DCLK2: variants seen among roughly 807,000 people sequenced by gnomAD.
DCLK2 encodes doublecortin like kinase 2, also known as serine/threonine-protein kinase DCLK2.
Under a neutral mutation model 78.4 loss-of-function variants are expected in DCLK2, and 31 were observed. The ratio of observed to expected loss-of-function variants is 0.40; its 90% confidence interval spans 0.30 to 0.53. DCLK2 has a LOEUF of 0.53. Ranked by LOEUF, DCLK2 falls within the 20% of genes least tolerant of loss-of-function variation. The probability of loss-of-function intolerance (pLI) is 0.61; values close to 1 mark genes in which losing one functional copy is unlikely to be tolerated. For missense variants in DCLK2, 872 were observed against 973.7 expected (o/e 0.90, Z 1.39); for synonymous variants, 407 against 374.9 (o/e 1.09, Z -0.99).
chr4:150,255,934 C>T, intron 15 of DCLK2, 86 bp from the exon 16 acceptor site: 1 of 1,524,270 alleles, frequency 6.6e-7, no homozygotes, highest in East Asian at 2.4e-5. Flanking sequence ...GAGGCCCGTG[C>T]ATGCTCTGTT....
chr4:150,107,614 G>A (rs979476844), intron 2 of DCLK2, among the ~76,000 whole-genome samples: 5 of 151,956 alleles, frequency 3.3e-5, no homozygotes. Context: ...GGGCTCAAGC[G>A]ATCCACTTAC....
At chr4:150,246,149 A>G (rs1479012461) in intron 12 of DCLK2, among the ~76,000 whole-genome samples, 1 of 150,914 alleles carries the variant, frequency 6.6e-6, no homozygotes, top group African/African-American at 2.4e-5. Context: ...GGTTCAAGGG[A>G]TTCTCCTGCC....
At chr4:150,192,509 G>C (rs1560853472) in intron 2 of DCLK2, among the ~76,000 whole-genome samples, 3 of 147,588 alleles carry the variant, frequency 2.0e-5, no homozygotes, top group Admixed American at 6.7e-5. Context: ...GTGAAATTGA[G>C]ACCACATATT....
chr4:150,163,262 G>A (rs1035101773), intron 2 of DCLK2, among the ~76,000 whole-genome samples: 1 of 152,082 alleles, frequency 6.6e-6, no homozygotes, highest in Admixed American at 6.6e-5. Flanking sequence ...ACTGGGCGTG[G>A]TGGCAGGCAC....
intron 10 of DCLK2, among the ~76,000 whole-genome samples, chr4:150,239,426 C>T (rs1742740289): frequency 6.6e-6 from 1 of 151,872 alleles, no homozygotes; most frequent in South Asian, 2.1e-4. Flanking sequence ...AAGGAGACCC[C>T]GTCTCTACAA....
intron 1 of DCLK2, among the ~76,000 whole-genome samples, chr4:150,098,344 A>G (rs562198810): frequency 2.6e-5 from 4 of 152,170 alleles, no homozygotes; most frequent in Non-Finnish European, 5.9e-5. Flanking sequence ...TTCGTATGAT[A>G]TAGTCTGTGA....
At chr4:150,087,890 A>G (rs889636800) in intron 1 of DCLK2, among the ~76,000 whole-genome samples, 24 of 152,186 alleles carry the variant, frequency 1.6e-4, no homozygotes, top group African/African-American at 5.8e-4. Flanking sequence ...CTTTGGGGGA[A>G]AAGAGTTTGG....
chr4:150,087,121 C>G lies in DCLK2; in HGVS notation c.421+7673C>G, dbSNP rs150823116. On this transcript the variant is annotated intron_variant, in intron 1 of 15. Coordinates refer to ENST00000296550, the MANE Select transcript of DCLK2 (RefSeq NM_001040260.4). ...TATTTTGTCCTATTTGCCGTGTTTTCAACAGCCTAAAGGAGAAGTCATTAT... is the reference window on the plus strand; with the variant it reads ...TATTTTGTCCTATTTGCCGTGTTTTGAACAGCCTAAAGGAGAAGTCATTAT... Among the ~76,000 whole-genome samples, 452 of 152,148 alleles carry G rather than the reference C, an allele frequency of 3.0e-3. 4 individuals carry two copies. Among genetic ancestry groups the G allele is most frequent in the African/African-American group, 0.01 (432 of 41,542 alleles).
At chr4:150,124,750 C>G (rs745519135) in intron 2 of DCLK2, among the ~76,000 whole-genome samples, 1 of 152,026 alleles carries the variant, frequency 6.6e-6, no homozygotes, top group Non-Finnish European at 1.5e-5. Context: ...ATACAGTAGC[C>G]CAAATTTTAC....
chr4:150,239,634 G>A (rs1236877286), intron 10 of DCLK2, 108 bp from the exon 11 acceptor site: 8 of 1,372,046 alleles, frequency 5.8e-6, no homozygotes, highest in Admixed American at 4.4e-5. Flanking sequence ...GATTTCATTC[G>A]AGTTTAATAG....
chr4:150,191,563 G>A (rs1328787054), intron 2 of DCLK2, among the ~76,000 whole-genome samples: 1 of 152,200 alleles, frequency 6.6e-6, no homozygotes, highest in Non-Finnish European at 1.5e-5. Context: ...GTGAAGGGGT[G>A]TGTGCTAACA....
At chr4:150,239,437 A>G (rs976260003) in intron 10 of DCLK2, among the ~76,000 whole-genome samples, 1 of 152,058 alleles carries the variant, frequency 6.6e-6, no homozygotes, top group African/African-American at 2.4e-5. Context: ...GTCTCTACAA[A>G]AAATAAAGAA....
intron 2 of DCLK2, among the ~76,000 whole-genome samples, chr4:150,163,313 G>T (rs968679202): frequency 6.6e-6 from 1 of 152,070 alleles, no homozygotes; most frequent in Non-Finnish European, 1.5e-5. Flanking sequence ...CAGGAGAATC[G>T]CTTGGACCTG....
intron 2 of DCLK2, among the ~76,000 whole-genome samples, chr4:150,110,808 T>C (rs996232449): frequency 2.0e-5 from 3 of 152,158 alleles, no homozygotes; most frequent in African/African-American, 4.8e-5. Context: ...CTGCAGAAGA[T>C]ATTATTTCAG....
At chr4:150,089,007 C>T (rs1002931621) in intron 1 of DCLK2, among the ~76,000 whole-genome samples, 7 of 152,234 alleles carry the variant, frequency 4.6e-5, no homozygotes, top group South Asian at 2.1e-4. Context: ...GCTTATTCTC[C>T]GTTCTGTGGT....
chr4:150,084,390 C>T (rs919146434), intron 1 of DCLK2, among the ~76,000 whole-genome samples: 3 of 152,230 alleles, frequency 2.0e-5, no homozygotes, highest in African/African-American at 4.8e-5. Flanking sequence ...GTTAGATAAA[C>T]GTATAATTTT....
intron 15 of DCLK2, chr4:150,253,711 A>G: frequency 2.0e-6 from 2 of 985,408 alleles, no homozygotes; most frequent in Non-Finnish European, 2.4e-6. Flanking sequence ...CCAGCCAAGC[A>G]GGCCCCTGGA....
At chr4:150,128,451 C>A (rs1034606197) in intron 2 of DCLK2, among the ~76,000 whole-genome samples, 1 of 152,068 alleles carries the variant, frequency 6.6e-6, no homozygotes, top group African/African-American at 2.4e-5. Flanking sequence ...GAGATTTGGA[C>A]CTCATCCATT....
At chr4:150,237,699 A>G (rs1742612441) in intron 10 of DCLK2, among the ~76,000 whole-genome samples, 2 of 152,212 alleles carry the variant, frequency 1.3e-5, no homozygotes, top group South Asian at 4.1e-4. Context: ...TAAGTAGCAG[A>G]CTAATGGATG....
Sources: allele counts gnomAD v4.1 joint callset (sites outside exome capture counted in the v4.1 genomes callset), GRCh38; gene constraint gnomAD v4.1.1; transcripts MANE v1.5; gene names NCBI Gene and HGNC (gene_info 2026-07-23, HGNC 2026-07-21).